PPP2R2D: variants seen among roughly 807,000 people sequenced by gnomAD.
PPP2R2D encodes protein phosphatase 2 regulatory subunit Bdelta, also known as serine/threonine-protein phosphatase 2A 55 kDa regulatory subunit B delta isoform.
PPP2R2D carries 9 observed loss-of-function variants against 31.1 expected under a neutral mutation model. That is an observed-to-expected ratio of 0.29 (90% CI 0.17 to 0.51). PPP2R2D has a LOEUF of 0.51. Ranked by LOEUF, PPP2R2D falls within the 20% of genes least tolerant of loss-of-function variation. The probability of loss-of-function intolerance (pLI) is 0.98; values close to 1 mark genes in which losing one functional copy is unlikely to be tolerated. For synonymous variants in PPP2R2D, 179 were observed against 172.6 expected, an observed-to-expected ratio of 1.04 and a Z score of -0.29; for missense variants, 391 against 465.6, an observed-to-expected ratio of 0.84 and a Z score of 1.48.
Position 131,947,893 on chromosome 10 carries a change from C to G in PPP2R2D, c.1082+102C>G. On this transcript the variant is annotated intron_variant, in intron 8 of 8. Transcript: ENST00000455566. The surrounding 1 kb of genome is among the most constrained non-coding windows in gnomAD (Gnocchi z 4.3). ...GCTGTCCTCCAGCGTCAGAGGAGGA[C>G]GCTCATAGGGTGTTGTTTTCCAGAC... 6.9e-7 allele frequency: 1 copy of G among 1,447,204 alleles called. No individual in the cohort carries two copies. Among genetic ancestry groups the G allele is most frequent in the Non-Finnish European group, 9.5e-7 (1 of 1,056,032 alleles). The allele number at this position is 1,447,204 out of a possible 1,614,324, so 89.6% of individuals were successfully genotyped here.
rs368610703 is a variant in PPP2R2D, at chr10:131,932,646, C to CAAAAAAAAAAAAAAA, written c.101-1804_101-1790dup. ...CGCGCCACTGTACTCCAGCCTGTCTCAAAAAAAAAAAAAAAAAAAAAACAC... is the reference window on the plus strand; with the variant it reads ...CGCGCCACTGTACTCCAGCCTGTCTCAAAAAAAAAAAAAAAAAAAAAAAAAAAAAAAAAAAAACAC... On this transcript the variant is annotated intron_variant, in intron 2 of 8. Coordinates refer to ENST00000455566, the MANE Select transcript of PPP2R2D (RefSeq NM_018461.5). Among the ~76,000 whole-genome samples, 457 of 57,796 alleles carry CAAAAAAAAAAAAAAA rather than the reference C, an allele frequency of 7.9e-3. 34 individuals carry two copies. The highest frequency in any genetic ancestry group is 0.01 in the Non-Finnish European group (334 of 32,248). The allele number at this position is 57,796 out of a possible 152,430, so 37.9% of individuals were successfully genotyped here.
intron 2 of PPP2R2D, among the ~76,000 whole-genome samples, chr10:131,908,782 A>G (rs1404103553): frequency 1.3e-5 from 2 of 152,242 alleles, no homozygotes; most frequent in African/African-American, 4.8e-5. Context: ...TGTTGTCTTA[A>G]GAGACCCTCT....
At chr10:131,955,148 G>A (rs1021505114) in intron 8 of PPP2R2D, among the ~76,000 whole-genome samples, 4 of 152,228 alleles carry the variant, frequency 2.6e-5, no homozygotes, top group Admixed American at 6.5e-5. Context: ...TGGAATGTGT[G>A]TGAAATGCAG....
chr10:131,965,406 G>A, the PPP2R2D span, among the ~76,000 whole-genome samples: 4 of 152,176 alleles, frequency 2.6e-5, no homozygotes, highest in South Asian at 6.2e-4. Flanking sequence ...AGAGCTGAAG[G>A]GGCACAGACC....
At chr10:131,952,716 G>A (rs1381333850) in intron 8 of PPP2R2D, among the ~76,000 whole-genome samples, 3 of 104,752 alleles carry the variant, frequency 2.9e-5, no homozygotes, top group African/African-American at 3.9e-5. Context: ...AGTGACTTGC[G>A]GGTGTGCGGG....
intron 2 of PPP2R2D, among the ~76,000 whole-genome samples, chr10:131,917,952 T>A (rs1485722451): frequency 1.0e-5 from 1 of 99,162 alleles, no homozygotes; most frequent in East Asian, 3.0e-4. Flanking sequence ...GACACAGTGT[T>A]TGTAGGGACC....
At chr10:131,911,345 T>C (rs2035679606) in intron 2 of PPP2R2D, among the ~76,000 whole-genome samples, 1 of 152,226 alleles carries the variant, frequency 6.6e-6, no homozygotes, top group Non-Finnish European at 1.5e-5. Flanking sequence ...TGGGAGAAAC[T>C]GAATTTTGTT....
chr10:131,965,344 A>G, the PPP2R2D span, among the ~76,000 whole-genome samples: 405 of 152,306 alleles, frequency 2.7e-3, 5 homozygotes, highest in African/African-American at 9.2e-3. Flanking sequence ...TGGGCCCAGA[A>G]AGTGGTGCTG....
downstream of PPP2R2D, among the ~76,000 whole-genome samples, chr10:131,962,685 C>T (rs2036940436): frequency 6.6e-6 from 1 of 151,784 alleles, no homozygotes; most frequent in Non-Finnish European, 1.5e-5. Context: ...CTGGCACCAC[C>T]CAGTCAGAAC....
Position 131,944,075 on chromosome 10 carries a change from T to C in PPP2R2D, c.585T>C (p.His195=), listed in dbSNP as rs1554897565. The C allele has an allele frequency of 6.2e-7, 1 of 1,611,242 alleles. No individual in the cohort carries two copies. The change falls in exon 6 of 9, where the codon CAT becomes CAC. Residue 195 remains histidine, a synonymous_variant. Coordinates refer to ENST00000455566, the MANE Select transcript of PPP2R2D (RefSeq NM_018461.5). ...ATTCCATTTCAGTAAATAGTGATCA[T>C]GAAACATATCTTTCTGCAGATGACC... The part of the protein sequence containing the change: ...HINSISVNSD[H]ETYLSADDLR...
intron 2 of PPP2R2D, among the ~76,000 whole-genome samples, chr10:131,914,457 T>C (rs904413465): frequency 6.6e-6 from 1 of 152,232 alleles, no homozygotes; most frequent in Admixed American, 6.5e-5. Flanking sequence ...GGAGGGTAAT[T>C]TGACATTTCT....
intron 3 of PPP2R2D, 119 bp from the exon 4 acceptor site, chr10:131,939,912 A>G: frequency 2.9e-6 from 1 of 347,666 alleles, no homozygotes; most frequent in Admixed American, 4.8e-5. Context: ...GATTTTTTTG[A>G]GCCAGGATTT....
the PPP2R2D span, among the ~76,000 whole-genome samples, chr10:131,964,900 C>T: frequency 6.6e-6 from 1 of 152,060 alleles, no homozygotes; most frequent in South Asian, 2.1e-4. Context: ...AAAAGCTGCA[C>T]TCCTTCCACC....
chr10:131,910,945 G>C (rs2035672788), intron 2 of PPP2R2D, among the ~76,000 whole-genome samples: 3 of 152,326 alleles, frequency 2.0e-5, no homozygotes, highest in Admixed American at 6.5e-5. Context: ...GGCCCACCCA[G>C]AGAGGACACG....
intron 2 of PPP2R2D, among the ~76,000 whole-genome samples, chr10:131,931,568 G>A (rs973695352): frequency 6.6e-6 from 1 of 152,112 alleles, no homozygotes; most frequent in Non-Finnish European, 1.5e-5. Context: ...GGCTGGTCTC[G>A]AACTCCTGAC....
At chr10:131,940,240 T>A (rs2036418553) in intron 4 of PPP2R2D, 44 bp downstream of exon 4, 2 of 617,706 alleles carry the variant, frequency 3.2e-6, no homozygotes, top group Non-Finnish European at 5.9e-6. Context: ...AGTTTTTTAT[T>A]TTTAATTTTC....
At chr10:131,969,315 C>T in the PPP2R2D span, 1 of 152,264 alleles carries the variant, frequency 6.6e-6, no homozygotes, top group Non-Finnish European at 1.5e-5. Context: ...CTGCAGAAAT[C>T]CATCCTGAAA....
intron 2 of PPP2R2D, among the ~76,000 whole-genome samples, chr10:131,926,201 G>GTC (rs1167517819): frequency 3.3e-5 from 5 of 152,148 alleles, no homozygotes; most frequent in African/African-American, 1.2e-4. Context: ...GTCTTACTGG[G>GTC]TCTCGGACAT....
intron 2 of PPP2R2D, among the ~76,000 whole-genome samples, chr10:131,931,810 T>C (rs1245647665): frequency 6.6e-6 from 1 of 152,160 alleles, no homozygotes; most frequent in Non-Finnish European, 1.5e-5. Context: ...TGTTTGAATA[T>C]TGAGGCCCTT....
Sources: gnomAD v4.1 joint callset for allele counts (sites outside exome capture counted in the v4.1 genomes callset) on GRCh38, gnomAD v4.1.1 for gene constraint, Gnocchi (gnomAD v3.1) non-coding constraint, MANE v1.5 for transcripts, NCBI Gene and HGNC (gene_info 2026-07-23, HGNC 2026-07-21) for gene names.